The following SNED1 variants were observed in gnomAD, a reference collection of about 807,000 sequenced individuals.
SNED1 encodes sushi, nidogen and EGF like domains 1.
SNED1 carries 81 observed loss-of-function variants against 166.7 expected under a neutral mutation model. The ratio of observed to expected loss-of-function variants is 0.49; its 90% CI spans 0.41 to 0.58. The LOEUF is 0.58. Ranked by LOEUF, SNED1 falls within the 20% of genes least tolerant of loss-of-function variation. SNED1 has a pLI of 0.00. For missense variants in SNED1, 1,604 were observed against 2,000.2 expected, an observed-to-expected ratio of 0.80 and a Z score of 3.78; for synonymous variants, 762 against 822.0, an observed-to-expected ratio of 0.93 and a Z score of 1.25.
chr2:241,063,887 G>A (rs950919545), intron 18 of SNED1, 125 bp from the exon 19 acceptor site: 2 of 800,018 alleles, frequency 2.5e-6, no homozygotes, highest in East Asian at 2.7e-5. Context: ...GGCGGGACCT[G>A]CCCACTGCCC....
At chr2:241,059,594 G>C (rs1411394308) in intron 16 of SNED1, among the ~76,000 whole-genome samples, 1 of 152,148 alleles carries the variant, frequency 6.6e-6, no homozygotes, top group African/African-American at 2.4e-5. Context: ...TCATGACCAA[G>C]TGGGATTTTT....
intron 8 of SNED1, among the ~76,000 whole-genome samples, chr2:241,047,708 G>C (rs1211884754): frequency 6.6e-6 from 1 of 152,250 alleles, no homozygotes; most frequent in Non-Finnish European, 1.5e-5. Context: ...GCCCCTGGGT[G>C]GTCTCTCTGG....
chr2:241,090,531 A>ATAC, intron 31 of SNED1: 1 of 1,424,044 alleles, frequency 7.0e-7, no homozygotes, highest in Non-Finnish European at 9.3e-7. Context: ...ACTCTACATA[A>ATAC]TTGTATGTGC....
chr2:241,002,995 C>A (rs78946024), intron 1 of SNED1, among the ~76,000 whole-genome samples: 33 of 152,152 alleles, frequency 2.2e-4, no homozygotes, highest in African/African-American at 7.2e-4. Context: ...ACCTCCAGCT[C>A]TTGGCCTTTC....
At chr2:241,003,041 G>A (rs980847450) in intron 1 of SNED1, among the ~76,000 whole-genome samples, 1 of 151,992 alleles carries the variant, frequency 6.6e-6, no homozygotes, top group Non-Finnish European at 1.5e-5. Flanking sequence ...GAGTGACCAA[G>A]GGAGCCATAC....
chr2:241,051,864 CG>C lies in SNED1; in HGVS notation c.1852+6del. 1 of 1,536,536 alleles carries C rather than the reference CG, an allele frequency of 6.5e-7. No homozygotes were observed. Among genetic ancestry groups the C allele is most frequent in the Non-Finnish European group, 8.8e-7 (1 of 1,138,866 alleles). On this transcript the variant is annotated splice_donor_5th_base_variant and intron_variant, in intron 13 of 31. Transcript: ENST00000310397. The surrounding 1 kb of genome is among the most constrained non-coding windows in gnomAD (Gnocchi z 4.7). ...ACTGGGAGGCACTGTGAGATCGGTG[CG>C]GCCCCCAGGGGCAGGGGGGAGGGCA...
rs1293401106 is a variant in SNED1, at chr2:241,027,731, C to CTT, written c.214-2552_214-2551insTT. 2.8e-3 allele frequency among the ~76,000 whole-genome samples: 387 copies of CTT among 137,262 alleles called. 6 individuals carry two copies. The highest frequency in any genetic ancestry group is 9.3e-3 in the African/African-American group (347 of 37,428). 90.0% of individuals were successfully genotyped at this position (137,262 alleles called of 152,430 possible). On this transcript the variant is annotated intron_variant, in intron 1 of 31. Coordinates refer to ENST00000310397, the MANE Select transcript of SNED1 (RefSeq NM_001080437.3). ...CTTCACCAACCCTTGTTATTTTCTT[C>CTT]TGTTTTTTTTTTTTTTTTTTAAGGT... is the stretch of plus-strand genomic sequence containing the variant.
In SNED1 at chr2:241,065,346, G is replaced by C; in HGVS notation, c.2761G>C (p.Gly921Arg). 1 of 1,612,988 alleles carries C rather than the reference G, an allele frequency of 6.2e-7. No individual in the cohort carries two copies. Among genetic ancestry groups the C allele is most frequent in the Non-Finnish European group, 8.5e-7 (1 of 1,179,834 alleles). ...CAAGATGGAGAGAGTGGAGGAGAGT[G>C]GGGTCTCTATCTCCTGGAACCCGCC... ...ALKMERVEES[G>R]VSISWNPPNG... The change falls in exon 21 of 32, where the codon GGG becomes CGG. Residue 921 changes from glycine to arginine, a missense_variant. Around this residue, in one of 2 missense-constraint regions of SNED1, gnomAD observed 1,237 missense variants for 1,620.8 expected, o/e 0.76. Coordinates refer to ENST00000310397, the MANE Select transcript of SNED1 (RefSeq NM_001080437.3).
At chr2:241,000,218 C>T (rs558467325) in intron 1 of SNED1, among the ~76,000 whole-genome samples, 4 of 152,282 alleles carry the variant, frequency 2.6e-5, no homozygotes, top group African/African-American at 9.6e-5. Context: ...ATCCACAGGG[C>T]CTCCTCCACC....
chr2:241,060,068 C>G (rs2062183404), intron 16 of SNED1, among the ~76,000 whole-genome samples: 1 of 152,142 alleles, frequency 6.6e-6, no homozygotes, highest in Non-Finnish European at 1.5e-5. Flanking sequence ...TATATAGAAC[C>G]TGTTGTAGCA....
chr2:241,088,094 G>GC, intron 30 of SNED1: 1 of 487,102 alleles, frequency 2.1e-6, no homozygotes, highest in Non-Finnish European at 3.6e-6. Context: ...GCTTTTGCTT[G>GC]CTTTCTCCCA....
chr2:241,074,812 C>T (rs2062943495), intron 27 of SNED1: 2 of 152,164 alleles, frequency 1.3e-5, no homozygotes, highest in African/African-American at 4.8e-5. Flanking sequence ...AAGAACCCAA[C>T]CTATAAACTT....
intron 1 of SNED1, among the ~76,000 whole-genome samples, chr2:241,004,511 T>C (rs1475829784): frequency 6.7e-6 from 1 of 149,482 alleles, no homozygotes; most frequent in African/African-American, 2.5e-5. Flanking sequence ...TATTGGCTTA[T>C]TACCTACACC....
At chr2:241,083,246 G>A (rs577648417) in intron 29 of SNED1, among the ~76,000 whole-genome samples, 1 of 152,328 alleles carries the variant, frequency 6.6e-6, no homozygotes, top group East Asian at 1.9e-4. Context: ...ACATTCCAGA[G>A]CCAGAGGACA....
At chr2:241,084,983 A>ACTATTCTT (rs2063510069) in intron 29 of SNED1, among the ~76,000 whole-genome samples, 1 of 152,182 alleles carries the variant, frequency 6.6e-6, no homozygotes. Flanking sequence ...CCAGACAAGA[A>ACTATTCTT]GACTGCAGTC....
intron 1 of SNED1, among the ~76,000 whole-genome samples, chr2:241,024,137 C>T (rs1437918906): frequency 2.0e-5 from 3 of 151,034 alleles, no homozygotes; most frequent in Non-Finnish European, 4.4e-5. Flanking sequence ...CTGCCTGGGC[C>T]TCCCAAAGTC....
chr2:241,089,243 G>T, intron 31 of SNED1: 1 of 1,498,280 alleles, frequency 6.7e-7, no homozygotes, highest in South Asian at 1.3e-5. Flanking sequence ...GTTGGCCTAG[G>T]ACAGCTTTGC....
chr2:241,028,786 A>T (rs2061064549), intron 1 of SNED1, among the ~76,000 whole-genome samples: 1 of 151,612 alleles, frequency 6.6e-6, no homozygotes, highest in Non-Finnish European at 1.5e-5. Flanking sequence ...GTTTGCATTG[A>T]TCTCTTTGAA....
In SNED1 at chr2:241,036,821, C is replaced by T. The variant is rs375000216; in HGVS notation, c.837C>T (p.Leu279=). The T allele has an allele frequency of 3.7e-6, 6 of 1,610,638 alleles. No individual in the cohort carries two copies. In the African/African-American group the frequency reaches 6.7e-5, roughly 18 times the overall value. Residue 279 remains leucine (L), a synonymous_variant, in exon 5 of 32, where the codon CTC becomes CTT. Coordinates refer to ENST00000310397, the MANE Select transcript of SNED1 (RefSeq NM_001080437.3). ...TSVCLALRPC[L]NGGKCIDDCV... ...TGTGCCTGGCCCTGCGCCCCTGCCT[C>T]AACGGCGGCAAGTGCATCGACGACT...
Sources: allele counts gnomAD v4.1 joint callset (sites outside exome capture counted in the v4.1 genomes callset), GRCh38; gene constraint gnomAD v4.1.1; regional missense constraint gnomAD v4.1.1; non-coding constraint Gnocchi (gnomAD v3.1); transcripts MANE v1.5; gene names NCBI Gene and HGNC (gene_info 2026-07-23, HGNC 2026-07-21).